Variants in DMXL1 observed in about 807,000 individuals in gnomAD.
The protein encoded by DMXL1 is dmX-like protein 1.
A neutral mutation model predicts 319.2 loss-of-function variants in DMXL1; 99 were observed. That is an observed-to-expected ratio of 0.31 (90% CI 0.26 to 0.37). The LOEUF is 0.37. Ranked by LOEUF, DMXL1 falls within the 10% of genes least tolerant of loss-of-function variation. DMXL1 has a pLI of 1.00. For missense variants in DMXL1, 3,745 were observed against 3,595.6 expected, an observed-to-expected ratio of 1.04 and a Z score of -1.06; for synonymous variants, 1,385 against 1,235.2, an observed-to-expected ratio of 1.12 and a Z score of -2.54.
At chr5:119,189,142 C>T (rs1561832644) in intron 28 of DMXL1, among the ~76,000 whole-genome samples, 1 of 152,084 alleles carries the variant, frequency 6.6e-6, no homozygotes, top group Non-Finnish European at 1.5e-5. Flanking sequence ...AATAAAACAA[C>T]AAAATTGCAT....
Position 119,134,017 on chromosome 5 carries a change from C to A in DMXL1, c.2093C>A (p.Pro698His), listed in dbSNP as rs749467008. The part of the protein sequence containing the change: ...KSTVDVAFQD[P>H]SAVYSELILW... ...ACTGTTGACGTGGCATTTCAGGATC[C>A]CAGTGCAGTTTACAGTGAGCTTATT... Residue 698 changes from proline (P) to histidine (H), a missense_variant, in exon 12 of 44, where the codon CCC (proline) becomes CAC (histidine). Around this residue, in one of 4 missense-constraint regions of DMXL1, gnomAD observed 2,096 missense variants for 1,985.4 expected, o/e 1.06. Transcript: ENST00000539542. 5 of 1,614,160 alleles carry A rather than the reference C, an allele frequency of 3.1e-6. No homozygotes were observed. The South Asian group carries it at 5.5e-5, about 18-fold the overall frequency.
chr5:119,102,927 T>C (rs1296154657), intron 3 of DMXL1, among the ~76,000 whole-genome samples: 3 of 151,864 alleles, frequency 2.0e-5, no homozygotes. Flanking sequence ...TACTTGAGGG[T>C]GGAGTGTGGC....
In DMXL1 at chr5:119,097,998, AC is replaced by A. The variant is rs1756378799; in HGVS notation, c.108del (p.Asp36GlufsTer3). On this transcript the variant is annotated frameshift_variant, in exon 2 of 44. Transcript: ENST00000539542. LOFTEE classifies it high-confidence loss of function. ...QRFTAYASGC[D>X]IVILGSDFER... The stretch of plus-strand genomic sequence containing the variant: ...TTTTAGGCTTATGCATCTGGATGTG[AC>A]ATTGTAATACTGGGAAGCGATTTTG... The A allele has an allele frequency of 6.2e-7, 1 of 1,604,694 alleles. No individual in the cohort carries two copies. The highest frequency in any genetic ancestry group is 8.5e-7 in the Non-Finnish European group (1 of 1,177,268).
In DMXL1 at chr5:119,249,036, G is replaced by A. The variant is rs1467170132; in HGVS notation, c.*1817G>A. Reference sequence around the variant, plus strand: ...AGGATGAACTAAATATTTTAATTGAGCATTTATATGGATAATCATACATTA... The same window carrying A: ...AGGATGAACTAAATATTTTAATTGAACATTTATATGGATAATCATACATTA... On this transcript the variant is annotated 3_prime_UTR_variant, in exon 44 of 44. Coordinates refer to ENST00000539542, the MANE Select transcript of DMXL1 (RefSeq NM_001290321.3). The A allele has an allele frequency of 6.6e-6, 1 of 152,452 alleles. No homozygotes were observed. Among genetic ancestry groups the A allele is most frequent in the Non-Finnish European group, 1.5e-5 (1 of 67,942 alleles). 9.4% of individuals were successfully genotyped at this position (152,452 alleles called of 1,614,324 possible).
chr5:119,127,256 C>T (rs899093085), intron 9 of DMXL1: 6 of 220,364 alleles, frequency 2.7e-5, no homozygotes, highest in African/African-American at 1.4e-4. Context: ...ATCAGCAACA[C>T]CCTTAGGATA....
chr5:119,075,843 A>T (rs1163783788), intron 1 of DMXL1, among the ~76,000 whole-genome samples: 1 of 152,024 alleles, frequency 6.6e-6, no homozygotes, highest in Admixed American at 6.6e-5. Context: ...GGGATTACAG[A>T]CGTGAGCTGC....
chr5:119,075,519 G>A (rs1580534884), intron 1 of DMXL1, among the ~76,000 whole-genome samples: 2 of 152,092 alleles, frequency 1.3e-5, no homozygotes, highest in Admixed American at 6.6e-5. Context: ...GATTACAGGC[G>A]TGAGCCACCG....
intron 28 of DMXL1, among the ~76,000 whole-genome samples, chr5:119,182,042 T>C (rs1776871706): frequency 6.6e-6 from 1 of 152,158 alleles, no homozygotes; most frequent in South Asian, 2.1e-4. Flanking sequence ...CCTGAAAACT[T>C]ACCGAGGCAG....
chr5:119,170,811 C>G lies in DMXL1; in HGVS notation c.6020C>G (p.Ser2007Cys), dbSNP rs779997627. ...GACATAAGTTCTAACTACACAGAAT[C>G]TTTCAGCACACTAGATGAAAATGAC... ...LDDISSNYTE[S>C]FSTLDENDLL... The change falls in exon 24 of 44, where the codon TCT becomes TGT. Residue 2007 changes from serine to cysteine, a missense_variant. By Grantham distance (112) the Ser-to-Cys change is moderately radical. Transcript: ENST00000539542. 5 of 1,611,324 alleles carry G rather than the reference C, an allele frequency of 3.1e-6. No individual in the cohort carries two copies. Among genetic ancestry groups the G allele is most frequent in the Non-Finnish European group, 3.4e-6 (4 of 1,179,392 alleles).
chr5:119,109,094 C>T (rs1285309041), intron 4 of DMXL1, among the ~76,000 whole-genome samples: 2 of 152,158 alleles, frequency 1.3e-5, no homozygotes, highest in African/African-American at 4.8e-5. Flanking sequence ...AGCCACCGTG[C>T]CTGGCCTACC....
intron 28 of DMXL1, 21 bp downstream of exon 28, chr5:119,178,265 T>C (rs1454468247): frequency 6.2e-7 from 1 of 1,607,094 alleles, no homozygotes; most frequent in East Asian, 2.2e-5. Context: ...AAAATTTTTT[T>C]AGGACTGAAG....
At chr5:119,237,719 A>AG in intron 40 of DMXL1, among the ~76,000 whole-genome samples, 3 of 152,104 alleles carry the variant, frequency 2.0e-5, no homozygotes, top group Admixed American at 2.0e-4. Context: ...TTATTATATT[A>AG]TGCCTAAATA....
chr5:119,247,243 T>C lies in DMXL1; in HGVS notation c.*24T>C. The C allele has an allele frequency of 6.5e-7, 1 of 1,541,122 alleles. No homozygotes were observed. Among genetic ancestry groups the C allele is most frequent in the Non-Finnish European group, 8.9e-7 (1 of 1,118,090 alleles). Reference sequence around the variant, plus strand: ...AACATTTTTACAATAAGATGTACAATTTATTACCTATATGGAAGTGGCCAA... The same window carrying C: ...AACATTTTTACAATAAGATGTACAACTTATTACCTATATGGAAGTGGCCAA... On this transcript the variant is annotated 3_prime_UTR_variant, in exon 44 of 44. Transcript: ENST00000539542.
chr5:119,107,396 T>TA (rs1293417066), intron 4 of DMXL1, among the ~76,000 whole-genome samples: 3 of 152,176 alleles, frequency 2.0e-5, no homozygotes, highest in Admixed American at 2.0e-4. Flanking sequence ...GAGAGAGATA[T>TA]AAAACTATTG....
chr5:119,191,521 C>T (rs1778694628), intron 29 of DMXL1, among the ~76,000 whole-genome samples: 1 of 152,160 alleles, frequency 6.6e-6, no homozygotes, highest in African/African-American at 2.4e-5. Context: ...CTTTATTTCA[C>T]CTCCATATTT....
At chr5:119,071,695 C>G (rs767958352) in intron 1 of DMXL1, 39 bp downstream of exon 1, 1 of 1,535,824 alleles carries the variant, frequency 6.5e-7, no homozygotes, top group Non-Finnish European at 8.8e-7. Context: ...GTGGCCCGGC[C>G]TTTGCCCGTC....
At chr5:119,120,118 C>G (rs919349956) in intron 8 of DMXL1, among the ~76,000 whole-genome samples, 2 of 152,138 alleles carry the variant, frequency 1.3e-5, no homozygotes, top group African/African-American at 2.4e-5. Flanking sequence ...CGGTTGGTCT[C>G]GAACTCCTGG....
At position 119,134,120 on chromosome 5, in the gene DMXL1, T is replaced by G. The variant is rs1765497913; in HGVS notation, c.2196T>G (p.His732Gln). ...VSELARINSL[H>Q]VSAFSNVAWL... Reference sequence around the variant, plus strand: ...AGCTTGCCCGGATTAATTCTCTTCATGTTTCTGCCTTTTCCAATGTGGCAT... The same window carrying G: ...AGCTTGCCCGGATTAATTCTCTTCAGGTTTCTGCCTTTTCCAATGTGGCAT... The change falls in exon 12 of 44, where the codon CAT becomes CAG. Residue 732 changes from histidine to glutamine, a missense_variant. This residue lies in a region of DMXL1 where 2,096 missense variants were observed against 1,985.4 expected (regional missense o/e 1.06). Coordinates refer to ENST00000539542, the MANE Select transcript of DMXL1 (RefSeq NM_001290321.3). 1.2e-6 allele frequency: 2 copies of G among 1,614,100 alleles called. No homozygotes were observed. The highest frequency in any genetic ancestry group is 4.5e-5 in the East Asian group (2 of 44,892).
intron 32 of DMXL1, among the ~76,000 whole-genome samples, chr5:119,198,581 C>G (rs138710053): frequency 1.4e-4 from 21 of 152,160 alleles, no homozygotes; most frequent in African/African-American, 5.1e-4. Flanking sequence ...AGATTCAGCA[C>G]AATTCCTGTC....
Sources: allele counts gnomAD v4.1 joint callset (sites outside exome capture counted in the v4.1 genomes callset), GRCh38; gene constraint gnomAD v4.1.1; regional missense constraint gnomAD v4.1.1; transcripts MANE v1.5; gene names NCBI Gene and HGNC (gene_info 2026-07-23, HGNC 2026-07-21).